The following CYSTM1 variants were observed in gnomAD, a reference collection of about 807,000 sequenced individuals.
The protein encoded by CYSTM1 is cysteine rich transmembrane module containing 1.
A neutral mutation model predicts 13.1 loss-of-function variants in CYSTM1; 4 were observed. The observed-to-expected ratio is 0.31, with a 90% CI of 0.15 to 0.70. The LOEUF (loss-of-function observed/expected upper bound fraction) is 0.70. Among genes scored for constraint, CYSTM1 ranks in the 30% least tolerant of loss-of-function variants. The probability of loss-of-function intolerance (pLI) is 0.72; values close to 1 mark genes in which losing one functional copy is unlikely to be tolerated. For synonymous variants in CYSTM1, 36 were observed against 42.7 expected (o/e 0.84, Z 0.62); for missense variants, 96 against 121.6 (o/e 0.79, Z 0.99).
At chr5:140,197,760 G>T (rs1764174465) in intron 2 of CYSTM1, among the ~76,000 whole-genome samples, 1 of 151,370 alleles carries the variant, frequency 6.6e-6, no homozygotes, top group African/African-American at 2.4e-5. Context: ...TCAAGTTCAA[G>T]TGTGTGGCAT....
chr5:140,206,129 C>G (rs1017956275), intron 2 of CYSTM1, among the ~76,000 whole-genome samples: 1 of 152,152 alleles, frequency 6.6e-6, no homozygotes, highest in Non-Finnish European at 1.5e-5. Context: ...GGGCTTTTGC[C>G]CTTGCCATGC....
At chr5:140,176,841 G>A (rs1763891544) in intron 1 of CYSTM1, among the ~76,000 whole-genome samples, 1 of 152,004 alleles carries the variant, frequency 6.6e-6, no homozygotes, top group Non-Finnish European at 1.5e-5. Flanking sequence ...AGGCCGAGGC[G>A]GACGGATCAC....
rs1238451135 is a variant in CYSTM1, at chr5:140,219,033, C to A, written c.188-24272C>A. Among the ~76,000 whole-genome samples, 1 of 152,176 alleles carries A rather than the reference C, an allele frequency of 6.6e-6. No individual in the cohort carries two copies. Among genetic ancestry groups the A allele is most frequent in the Non-Finnish European group, 1.5e-5 (1 of 68,032 alleles). On this transcript the variant is annotated intron_variant, in intron 2 of 2. Transcript: ENST00000261811. The surrounding 1 kb of genome is among the most constrained non-coding windows in gnomAD (Gnocchi z 4.1). Reference sequence around the variant, plus strand: ...GACTTTTTAAATCTGGCTTCAGTGACAAGCTGGCCAAGCCTGATAGAGTTC... The same window carrying A: ...GACTTTTTAAATCTGGCTTCAGTGAAAAGCTGGCCAAGCCTGATAGAGTTC...
At chr5:140,232,974 T>C (rs1764634507) in intron 2 of CYSTM1, among the ~76,000 whole-genome samples, 1 of 152,152 alleles carries the variant, frequency 6.6e-6, no homozygotes, top group Non-Finnish European at 1.5e-5. Flanking sequence ...CAGATGACCA[T>C]CCATGCCCTG....
In CYSTM1 at chr5:140,230,809, T is replaced by G. The variant is rs1764609934; in HGVS notation, c.188-12496T>G. ...TTTCCCTATTAATCTGAGATGAGAT[T>G]TGTCATATACCACGTTCCCATATAC... On this transcript the variant is annotated intron_variant, in intron 2 of 2. Coordinates refer to ENST00000261811, the MANE Select transcript of CYSTM1 (RefSeq NM_032412.4). This position sits in a 1 kb window ranked among gnomAD's most constrained non-coding sequence, Gnocchi z 4.1. 2.0e-5 allele frequency among the ~76,000 whole-genome samples: 3 copies of G among 152,324 alleles called. No individual in the cohort carries two copies. In the South Asian group the frequency reaches 6.2e-4, roughly 32 times the overall value.
intron 2 of CYSTM1, among the ~76,000 whole-genome samples, chr5:140,218,494 A>G (rs1431726456): frequency 6.6e-6 from 1 of 152,208 alleles, no homozygotes; most frequent in Non-Finnish European, 1.5e-5. Flanking sequence ...GAACCCAATA[A>G]GGGAATAGGT....
Position 140,219,180 on chromosome 5 carries a change from G to C in CYSTM1, c.188-24125G>C, listed in dbSNP as rs906703400. On this transcript the variant is annotated intron_variant, in intron 2 of 2. Transcript: ENST00000261811. This position sits in a 1 kb window ranked among gnomAD's most constrained non-coding sequence, Gnocchi z 4.1. ...CTTTTCTCTGCTGGTGAAGTCTCTA[G>C]CCTCACATTTGCCAAATAATCACAT... Among the ~76,000 whole-genome samples, 4 of 152,120 alleles carry C rather than the reference G, an allele frequency of 2.6e-5. No individual in the cohort carries two copies. The highest frequency in any genetic ancestry group is 2.6e-4 in the Admixed American group (4 of 15,268).
chr5:140,199,547 G>A (rs1397942318), intron 2 of CYSTM1, among the ~76,000 whole-genome samples: 2 of 152,208 alleles, frequency 1.3e-5, no homozygotes, highest in Non-Finnish European at 2.9e-5. Flanking sequence ...CTGGAGTGCA[G>A]TGGCGCGATC....
intron 1 of CYSTM1, among the ~76,000 whole-genome samples, chr5:140,190,124 ATC>A (rs1200186349): frequency 1.3e-5 from 2 of 152,120 alleles, no homozygotes; most frequent in Non-Finnish European, 2.9e-5. Flanking sequence ...TGCTCTATTG[ATC>A]TGTTTTTCAG....
intron 1 of CYSTM1, among the ~76,000 whole-genome samples, chr5:140,193,347 G>C (rs753606597): frequency 1.3e-5 from 2 of 152,082 alleles, no homozygotes; most frequent in African/African-American, 4.8e-5. Flanking sequence ...GCAGTGGCAC[G>C]ATCTCAGCTC....
intron 2 of CYSTM1, among the ~76,000 whole-genome samples, chr5:140,209,287 G>A (rs1764335498): frequency 6.9e-6 from 1 of 145,466 alleles, no homozygotes; most frequent in African/African-American, 2.5e-5. Flanking sequence ...TTTTTTTTGA[G>A]ATGGAGTCTT....
At chr5:140,210,661 A>G (rs930056131) in intron 2 of CYSTM1, among the ~76,000 whole-genome samples, 1 of 151,958 alleles carries the variant, frequency 6.6e-6, no homozygotes, top group Admixed American at 6.6e-5. Context: ...ACAGGTATGC[A>G]CCACGATGCC....
chr5:140,181,179 G>T (rs1201218733), intron 1 of CYSTM1, among the ~76,000 whole-genome samples: 3 of 152,242 alleles, frequency 2.0e-5, no homozygotes, highest in Non-Finnish European at 4.4e-5. Context: ...GGCAGAGTCA[G>T]TTGGGGAGAA....
chr5:140,195,409 A>G (rs1251149819), intron 2 of CYSTM1, among the ~76,000 whole-genome samples: 1 of 150,780 alleles, frequency 6.6e-6, no homozygotes, highest in Non-Finnish European at 1.5e-5. Context: ...TGGTTGGCAG[A>G]ATAGCTGCTC....
intron 2 of CYSTM1, among the ~76,000 whole-genome samples, chr5:140,206,983 C>A (rs560328387): frequency 2.0e-5 from 3 of 152,288 alleles, no homozygotes; most frequent in South Asian, 4.1e-4. Context: ...TTCCCCCTTC[C>A]TTTCACATCT....
At chr5:140,229,657 C>CGTTA (rs10701101) in intron 2 of CYSTM1, among the ~76,000 whole-genome samples, 72,797 of 151,526 alleles carry the variant, frequency 0.48, 17,644 homozygotes, top group South Asian at 0.71. Flanking sequence ...AAGATATAGT[C>CGTTA]GTTAGTCCAC....
chr5:140,183,390 C>T (rs987080027), intron 1 of CYSTM1, among the ~76,000 whole-genome samples: 2 of 152,210 alleles, frequency 1.3e-5, no homozygotes, highest in Admixed American at 6.5e-5. Context: ...CTCTCTCTTG[C>T]TGGGCCCCAT....
intron 2 of CYSTM1, among the ~76,000 whole-genome samples, chr5:140,240,493 G>A (rs1002484154): frequency 1.3e-5 from 2 of 151,900 alleles, no homozygotes; most frequent in Non-Finnish European, 2.9e-5. Context: ...TTCAAGTACT[G>A]AGTGGCCCAG....
chr5:140,198,108 G>A (rs1764177591), intron 2 of CYSTM1, among the ~76,000 whole-genome samples: 2 of 152,178 alleles, frequency 1.3e-5, no homozygotes, highest in South Asian at 4.1e-4. Flanking sequence ...GATCTCCTGG[G>A]TGGTTTTTAA....
Sources: allele counts gnomAD v4.1 joint callset (sites outside exome capture counted in the v4.1 genomes callset), GRCh38; gene constraint gnomAD v4.1.1; non-coding constraint Gnocchi (gnomAD v3.1); transcripts MANE v1.5; gene names NCBI Gene and HGNC (gene_info 2026-07-23, HGNC 2026-07-21).